NXPH1: variants seen among roughly 807,000 people sequenced by gnomAD.
NXPH1 encodes neurexophilin 1.
Under a neutral mutation model 23.7 loss-of-function variants are expected in NXPH1, and 5 were observed. The observed-to-expected ratio is 0.21, with a 90% CI of 0.11 to 0.44. NXPH1 has a LOEUF of 0.44. Among genes scored for constraint, NXPH1 ranks in the 20% least tolerant of loss-of-function variants. The probability of loss-of-function intolerance (pLI) is 0.99; values close to 1 mark genes in which losing one functional copy is unlikely to be tolerated. For missense variants in NXPH1, 324 were observed against 321.6 expected (o/e 1.01, Z -0.06); for synonymous variants, 144 against 122.2 (o/e 1.18, Z -1.18).
intron 2 of NXPH1, among the ~76,000 whole-genome samples, chr7:8,494,635 C>T (rs1363641303): frequency 1.3e-5 from 2 of 152,000 alleles, no homozygotes; most frequent in Non-Finnish European, 2.9e-5. Context: ...CTTGACAATG[C>T]CAATAATGGA....
chr7:8,638,966 C>A (rs1204227600), intron 2 of NXPH1, among the ~76,000 whole-genome samples: 1 of 151,982 alleles, frequency 6.6e-6, no homozygotes, highest in African/African-American at 2.4e-5. Context: ...CCCTCAGTTT[C>A]CTCAACTCCA....
At chr7:8,628,865 C>T (rs79670210) in intron 2 of NXPH1, among the ~76,000 whole-genome samples, 5,709 of 151,622 alleles carry the variant, frequency 0.038, 278 homozygotes, top group East Asian at 0.16. Context: ...ATGAAAGCTG[C>T]ATTTTCCCTT....
intron 2 of NXPH1, among the ~76,000 whole-genome samples, chr7:8,500,206 T>C (rs1003314348): frequency 2.0e-5 from 3 of 152,108 alleles, no homozygotes; most frequent in Non-Finnish European, 2.9e-5. Context: ...ATGGACTTAA[T>C]TAGTGGTCAC....
intron 2 of NXPH1, among the ~76,000 whole-genome samples, chr7:8,545,324 C>T (rs898258772): frequency 8.6e-5 from 13 of 151,324 alleles, no homozygotes; most frequent in African/African-American, 2.9e-4. Context: ...CTTGTACATG[C>T]CTGTGCTGCA....
At chr7:8,583,420 A>T (rs183113962) in intron 2 of NXPH1, among the ~76,000 whole-genome samples, 147 of 152,344 alleles carry the variant, frequency 9.6e-4, no homozygotes, top group African/African-American at 3.3e-3. Context: ...AATGTGGATA[A>T]TAATAGTACC....
intron 2 of NXPH1, among the ~76,000 whole-genome samples, chr7:8,437,183 A>G (rs1207117426): frequency 2.6e-5 from 4 of 152,168 alleles, no homozygotes; most frequent in African/African-American, 7.2e-5. Context: ...TGACTCTGTC[A>G]CCGAAGTCTG....
chr7:8,722,507 C>T (rs1360895311), intron 2 of NXPH1, among the ~76,000 whole-genome samples: 2 of 152,182 alleles, frequency 1.3e-5, no homozygotes, highest in Non-Finnish European at 2.9e-5. Context: ...CCAAAGTCAA[C>T]CCAAGAGACC....
chr7:8,616,853 T>TAAAAAA (rs138078881), intron 2 of NXPH1, among the ~76,000 whole-genome samples: 2 of 141,744 alleles, frequency 1.4e-5, no homozygotes, highest in Non-Finnish European at 3.1e-5. Flanking sequence ...AAGTTTATGT[T>TAAAAAA]AAAAAAAAAA....
At chr7:8,467,296 T>C (rs1816801595) in intron 2 of NXPH1, among the ~76,000 whole-genome samples, 1 of 152,160 alleles carries the variant, frequency 6.6e-6, no homozygotes, top group Admixed American at 6.5e-5. Context: ...AGCTAAAGAC[T>C]GTGAAATGAG....
Position 8,550,125 on chromosome 7 carries a change from T to C in NXPH1, c.54+114358T>C, listed in dbSNP as rs145605365. Among the ~76,000 whole-genome samples, 1,505 of 151,690 alleles carry C rather than the reference T, an allele frequency of 9.9e-3. 9 individuals are homozygous for C. The highest frequency in any genetic ancestry group is 0.017 in the Non-Finnish European group (1,151 of 67,676). On this transcript the variant is annotated intron_variant, in intron 2 of 2. Coordinates refer to ENST00000405863, the MANE Select transcript of NXPH1 (RefSeq NM_152745.3). Reference sequence around the variant, plus strand: ...CTTGCCTGCGGTGATCTGGAGACTTTAGTGAAAAGCAGGAATAGTACAAGC... The same window carrying C: ...CTTGCCTGCGGTGATCTGGAGACTTCAGTGAAAAGCAGGAATAGTACAAGC...
At chr7:8,550,597 A>T (rs1196812406) in intron 2 of NXPH1, among the ~76,000 whole-genome samples, 2 of 151,608 alleles carry the variant, frequency 1.3e-5, no homozygotes, top group Non-Finnish European at 3.0e-5. Context: ...ACTCTTGAAT[A>T]GACATATTAT....
intron 2 of NXPH1, among the ~76,000 whole-genome samples, chr7:8,714,571 T>A (rs1779848062): frequency 6.6e-6 from 1 of 151,968 alleles, no homozygotes; most frequent in Admixed American, 6.6e-5. Flanking sequence ...AGCATATATC[T>A]GTGTCTCGCC....
Position 8,489,009 on chromosome 7 carries a change from A to G in NXPH1, c.54+53242A>G, listed in dbSNP as rs1439361971. Among the ~76,000 whole-genome samples, 3 of 152,124 alleles carry G rather than the reference A, an allele frequency of 2.0e-5. No homozygotes were observed. In the East Asian group the frequency reaches 5.8e-4, roughly 29 times the overall value. On this transcript the variant is annotated intron_variant, in intron 2 of 2. Transcript: ENST00000405863. ...GTGGTTGAAGAGTCTTTGGACTCAA[A>G]CCTTTCAGAGGCAGATAATTTTGTT...
intron 2 of NXPH1, among the ~76,000 whole-genome samples, chr7:8,565,336 G>A (rs1818521855): frequency 6.6e-6 from 1 of 151,780 alleles, no homozygotes; most frequent in South Asian, 2.1e-4. Context: ...CATATTTTAA[G>A]CACGCAATGC....
chr7:8,499,939 T>C (rs146007915), intron 2 of NXPH1, among the ~76,000 whole-genome samples: 1 of 152,224 alleles, frequency 6.6e-6, no homozygotes, highest in East Asian at 1.9e-4. Flanking sequence ...GGAAGAAGCA[T>C]GTACGGACAG....
intron 2 of NXPH1, among the ~76,000 whole-genome samples, chr7:8,441,514 C>G (rs575070646): frequency 1.3e-5 from 2 of 151,990 alleles, no homozygotes; most frequent in African/African-American, 2.4e-5. Flanking sequence ...TAAAAAGGTT[C>G]CGTTGTAAGG....
intron 2 of NXPH1, among the ~76,000 whole-genome samples, chr7:8,744,223 T>A (rs1780430165): frequency 6.6e-6 from 1 of 152,234 alleles, no homozygotes; most frequent in African/African-American, 2.4e-5. Context: ...TCTGAATGTT[T>A]CTGAAACAAT....
intron 2 of NXPH1, among the ~76,000 whole-genome samples, chr7:8,640,435 A>AATATATAT (rs201932560): frequency 1.1e-4 from 17 of 151,120 alleles, no homozygotes; most frequent in South Asian, 4.2e-4. Flanking sequence ...TTAAGTATTA[A>AATATATAT]ATATATATAT....
chr7:8,717,882 T>TTC (rs1041957233), intron 2 of NXPH1, among the ~76,000 whole-genome samples: 3 of 109,580 alleles, frequency 2.7e-5, no homozygotes, highest in African/African-American at 8.9e-5. Context: ...GGGTGTATTC[T>TTC]TCTCTCTGTG....
Sources: gnomAD v4.1 joint callset for allele counts (sites outside exome capture counted in the v4.1 genomes callset) on GRCh38, gnomAD v4.1.1 for gene constraint, MANE v1.5 for transcripts, NCBI Gene and HGNC (gene_info 2026-07-23, HGNC 2026-07-21) for gene names.